NDST4: variants seen among roughly 807,000 people sequenced by gnomAD.
NDST4 encodes the protein N-heparan sulfate sulfotransferase 4.
In NDST4, 63 loss-of-function variants were observed where a neutral mutation model predicts 100.8. The observed-to-expected ratio is 0.62, with a 90% CI of 0.51 to 0.77. NDST4 has a LOEUF of 0.77. NDST4 is among the 30% of genes least tolerant of loss of function. The pLI is 0.00. For synonymous variants in NDST4, 377 were observed against 361.8 expected, an observed-to-expected ratio of 1.04 and a Z score of -0.48; for missense variants, 943 against 1,018.4, an observed-to-expected ratio of 0.93 and a Z score of 1.01.
At chr4:114,981,209 G>C (rs959111635) in intron 2 of NDST4, among the ~76,000 whole-genome samples, 2 of 144,690 alleles carry the variant, frequency 1.4e-5, no homozygotes, top group African/African-American at 2.6e-5. Flanking sequence ...AAGAGAAGAA[G>C]AAAGGATGGA....
At chr4:115,111,986 T>C (rs1485016255) in intron 1 of NDST4, among the ~76,000 whole-genome samples, 2 of 151,792 alleles carry the variant, frequency 1.3e-5, no homozygotes, top group Non-Finnish European at 2.9e-5. Flanking sequence ...GCAATTATAT[T>C]TTGCTTATTA....
At chr4:115,049,501 T>C (rs1728538779) in intron 2 of NDST4, among the ~76,000 whole-genome samples, 2 of 152,066 alleles carry the variant, frequency 1.3e-5, no homozygotes, top group African/African-American at 4.8e-5. Flanking sequence ...GGACCAAGCA[T>C]CCCAGACCAA....
chr4:115,103,853 G>T (rs1037218671), intron 1 of NDST4, among the ~76,000 whole-genome samples: 2 of 152,052 alleles, frequency 1.3e-5, no homozygotes, highest in African/African-American at 4.8e-5. Flanking sequence ...CATCAGAAAA[G>T]CATGATAAAA....
At chr4:115,054,407 T>C (rs897646634) in intron 2 of NDST4, among the ~76,000 whole-genome samples, 16 of 152,142 alleles carry the variant, frequency 1.1e-4, no homozygotes, top group African/African-American at 3.9e-4. Flanking sequence ...GAATAAATCT[T>C]TGGATATTTA....
At position 114,956,898 on chromosome 4, in the gene NDST4, T is replaced by C. The variant is rs183233959; in HGVS notation, c.1221+13532A>G. Reference sequence around the variant, plus strand: ...ATGTCCATTAAAAAAATACAAGATATACAAAGAAACAGGATGGTGTAATTC... The same window carrying C: ...ATGTCCATTAAAAAAATACAAGATACACAAAGAAACAGGATGGTGTAATTC... On this transcript the variant is annotated intron_variant, in intron 4 of 13. Coordinates refer to ENST00000264363, the MANE Select transcript of NDST4 (RefSeq NM_022569.3). Among the ~76,000 whole-genome samples the C allele has an allele frequency of 3.9e-4, 59 of 152,046 alleles. No homozygotes were observed. In the East Asian group the frequency reaches 0.011, roughly 28 times the overall value.
chr4:114,919,776 G>A (rs1158551294), intron 6 of NDST4, among the ~76,000 whole-genome samples: 1 of 152,194 alleles, frequency 6.6e-6, no homozygotes, highest in African/African-American at 2.4e-5. Context: ...ATTCTATGTG[G>A]CCAGAGAGAT....
At chr4:114,953,018 T>TG (rs1368603444) in intron 4 of NDST4, among the ~76,000 whole-genome samples, 5 of 148,270 alleles carry the variant, frequency 3.4e-5, no homozygotes, top group Admixed American at 6.6e-5. Flanking sequence ...CTCATTTTTT[T>TG]TCTTTTTTTT....
intron 2 of NDST4, among the ~76,000 whole-genome samples, chr4:114,981,320 C>T (rs1273981270): frequency 2.0e-5 from 3 of 152,058 alleles, no homozygotes; most frequent in African/African-American, 7.2e-5. Flanking sequence ...TAGCTACATA[C>T]TGTTTGATAA....
In NDST4 at chr4:114,827,951, GA is replaced by G. The variant is rs1166666638; in HGVS notation, c.2500-17del. ...ACGTTCTAGACTGGAAAGAAAAAAAGAAGAACTTGAAAGAAGCTCTTTGTTT... is the reference window on the plus strand; with the variant it reads ...ACGTTCTAGACTGGAAAGAAAAAAAGAGAACTTGAAAGAAGCTCTTTGTTT... On this transcript the variant is annotated splice_polypyrimidine_tract_variant and intron_variant, in intron 13 of 13. Transcript: ENST00000264363. 4 of 1,576,920 alleles carry G rather than the reference GA, an allele frequency of 2.5e-6. No homozygotes were observed. The highest frequency in any genetic ancestry group is 3.4e-6 in the Non-Finnish European group (4 of 1,169,022).
chr4:115,052,296 C>T (rs1185493015), intron 2 of NDST4, among the ~76,000 whole-genome samples: 1 of 152,122 alleles, frequency 6.6e-6, no homozygotes, highest in Admixed American at 6.6e-5. Flanking sequence ...GATTTAAACA[C>T]CATTTTAACT....
chr4:115,071,163 G>A (rs1056729846), intron 2 of NDST4, among the ~76,000 whole-genome samples: 3 of 151,610 alleles, frequency 2.0e-5, no homozygotes, highest in African/African-American at 4.8e-5. Context: ...AAATAAACTC[G>A]TATTCTTTTC....
chr4:115,062,324 C>T (rs929315206), intron 2 of NDST4, among the ~76,000 whole-genome samples: 1 of 151,746 alleles, frequency 6.6e-6, no homozygotes, highest in African/African-American at 2.4e-5. Context: ...AAGAATATAC[C>T]GTAAGCAAAC....
chr4:114,915,297 G>C (rs1164885656), intron 6 of NDST4, among the ~76,000 whole-genome samples: 1 of 152,122 alleles, frequency 6.6e-6, no homozygotes, highest in Non-Finnish European at 1.5e-5. Flanking sequence ...AATGCCGTAA[G>C]GGGTCAATGA....
intron 2 of NDST4, among the ~76,000 whole-genome samples, chr4:115,003,057 A>T (rs2620415): frequency 0.34 from 50,986 of 151,986 alleles, 8,627 homozygotes; most frequent in South Asian, 0.47. Context: ...GGAGGGGAAC[A>T]TCATACACTG....
chr4:114,937,481 A>G lies in NDST4; in HGVS notation c.1244T>C (p.Met415Thr), dbSNP rs534508083. The change falls in exon 5 of 14, where the codon ATG (methionine) becomes ACG (threonine). Residue 415 changes from methionine (M) to threonine (T), a missense_variant. Around this residue, in one of 2 missense-constraint regions of NDST4, gnomAD observed 526 missense variants for 634.1 expected, o/e 0.83. Coordinates refer to ENST00000264363, the MANE Select transcript of NDST4 (RefSeq NM_022569.3). ...GTGATGTGGGGCCACAGCATAGCCC[A>G]TGTTGATTGGTATTCCATGTTCCTA... Reference protein sequence around the residue: ...FALEHGIPINMGYAVAPHHSG... With the variant: ...FALEHGIPINTGYAVAPHHSG... The G allele has an allele frequency of 4.1e-5, 65 of 1,581,128 alleles. 1 individual carries two copies. The South Asian group carries it at 6.1e-4, about 15-fold the overall frequency.
intron 2 of NDST4, among the ~76,000 whole-genome samples, chr4:114,981,898 T>TGGGGCTTGGTGGGAGGTGATTG: frequency 6.6e-6 from 1 of 152,168 alleles, no homozygotes; most frequent in East Asian, 1.9e-4. Context: ...ATGTTGAAGG[T>TGGGGCTTGGTGGGAGGTGATTG]GGGGCTTGGT....
intron 10 of NDST4, among the ~76,000 whole-genome samples, chr4:114,840,178 AG>A (rs1288005502): frequency 2.6e-5 from 4 of 152,298 alleles, no homozygotes; most frequent in East Asian, 3.9e-4. Flanking sequence ...TCTGTTTGAA[AG>A]GGTTTCTATC....
intron 4 of NDST4, among the ~76,000 whole-genome samples, chr4:114,945,814 A>T (rs1230189468): frequency 6.6e-6 from 1 of 152,106 alleles, no homozygotes; most frequent in Admixed American, 6.5e-5. Context: ...TGTTTAGGGG[A>T]CTGAAATTGT....
intron 2 of NDST4, among the ~76,000 whole-genome samples, chr4:115,064,192 TAGC>T (rs1466142569): frequency 6.6e-6 from 1 of 152,004 alleles, no homozygotes; most frequent in African/African-American, 2.4e-5. Flanking sequence ...TAAAAATTAA[TAGC>T]TGGTTGCCAC....
Sources: gnomAD v4.1 joint callset for allele counts (sites outside exome capture counted in the v4.1 genomes callset) on GRCh38, gnomAD v4.1.1 for gene constraint, gnomAD v4.1.1 regional missense constraint, MANE v1.5 for transcripts, NCBI Gene and HGNC (gene_info 2026-07-23, HGNC 2026-07-21) for gene names.